The following FAM53A variants were observed in gnomAD, a reference collection of about 807,000 sequenced individuals.
The protein encoded by FAM53A is protein FAM53A.
Under a neutral mutation model 26.6 loss-of-function variants are expected in FAM53A, and 28 were observed. The observed-to-expected ratio is 1.05, with a 90% CI of 0.78 to 1.45. The LOEUF is 1.45. Among genes scored for constraint, FAM53A ranks in the 40% most tolerant of loss-of-function variants. The probability of loss-of-function intolerance (pLI) is 0.00; values close to 1 mark genes in which losing one functional copy is unlikely to be tolerated. For missense variants in FAM53A, 650 were observed against 575.8 expected (o/e 1.13, Z -1.32); for synonymous variants, 290 against 253.1 (o/e 1.15, Z -1.38).
At position 1,619,611 on chromosome 4, in the gene FAM53A, C is replaced by T. The variant is rs1714940603; in HGVS notation, c.432-1500G>A. Reference sequence around the variant, plus strand: ...AATCGGCTTCTCAGGTCTTCACCCCCCGGCCTCCCGTGACCACCCCCGCCC... The same window carrying T: ...AATCGGCTTCTCAGGTCTTCACCCCTCGGCCTCCCGTGACCACCCCCGCCC... On this transcript the variant is annotated intron_variant, in intron 1 of 1. Coordinates refer to the FAM53A transcript ENST00000489029. Among the ~76,000 whole-genome samples the T allele has an allele frequency of 2.0e-5, 3 of 152,234 alleles. No homozygotes were observed. The South Asian group carries it at 6.2e-4, about 32-fold the overall frequency.
At chr4:1,615,332 CTGA>C (rs1714770943), downstream of FAM53A, among the ~76,000 whole-genome samples, 1 of 141,224 alleles carries the variant, frequency 7.1e-6, no homozygotes, top group Non-Finnish European at 1.5e-5. Context: ...TGGGCGCACA[CTGA>C]AGACAGGATG....
intron 1 of FAM53A, among the ~76,000 whole-genome samples, chr4:1,679,617 C>T (rs1204049160): frequency 4.2e-5 from 6 of 143,156 alleles, no homozygotes; most frequent in Admixed American, 2.2e-4. Flanking sequence ...ACCCAGGAGG[C>T]GGAGGTTGCA....
the FAM53A span, among the ~76,000 whole-genome samples, chr4:1,609,326 CCTCA>C: frequency 6.6e-6 from 1 of 152,094 alleles, no homozygotes; most frequent in South Asian, 2.1e-4. Flanking sequence ...GGCTCCAGGG[CCTCA>C]CTGACTCTCA....
Position 1,654,977 on chromosome 4 carries a change from C to G in FAM53A, c.882+1G>C. The G allele has an allele frequency of 1.3e-6, 2 of 1,515,552 alleles. No homozygotes were observed. Among genetic ancestry groups the G allele is most frequent in the Non-Finnish European group, 8.9e-7 (1 of 1,129,686 alleles). 93.9% of individuals were successfully genotyped at this position (1,515,552 alleles called of 1,614,324 possible). A position where few individuals can be genotyped will look rare whatever the true frequency, so the allele number is the denominator to read the frequency against. ...AGCCCCTGGAAATAAGAAAGCCTCA[C>G]CTGGGTCATTTTCAGGAAGTCCAAG... On this transcript the variant is annotated splice_donor_variant, in intron 4 of 4. Transcript: ENST00000308132. LOFTEE classifies it high-confidence loss of function.
At chr4:1,603,468 A>G in the FAM53A span, among the ~76,000 whole-genome samples, 1 of 152,070 alleles carries the variant, frequency 6.6e-6, no homozygotes, top group Non-Finnish European at 1.5e-5. Context: ...CCTGCTGACC[A>G]AGGCTGGAAG....
chr4:1,595,046 A>T, the FAM53A span, among the ~76,000 whole-genome samples: 3 of 152,224 alleles, frequency 2.0e-5, no homozygotes, highest in African/African-American at 7.2e-5. Context: ...CAGCTTGCTC[A>T]TCGGGGACCA....
chr4:1,644,660 A>C, intron 4 of FAM53A: 1 of 288,518 alleles, frequency 3.5e-6, no homozygotes, highest in Non-Finnish European at 6.5e-6. Flanking sequence ...TAAACACAAA[A>C]CAGTTGTCCA....
At chr4:1,679,989 C>T (rs1376404315) in intron 1 of FAM53A, among the ~76,000 whole-genome samples, 11 of 147,586 alleles carry the variant, frequency 7.5e-5, no homozygotes, top group Non-Finnish European at 1.3e-4. Context: ...CACCATTGCG[C>T]TCCAGCCTGA....
At chr4:1,631,078 A>G (rs1360143932) in intron 1 of FAM53A, among the ~76,000 whole-genome samples, 4 of 152,244 alleles carry the variant, frequency 2.6e-5, no homozygotes, top group African/African-American at 9.6e-5. Context: ...AAATGTATTA[A>G]TACTAACAAT....
At chr4:1,646,963 G>A (rs1712302209) in intron 4 of FAM53A, among the ~76,000 whole-genome samples, 1 of 152,182 alleles carries the variant, frequency 6.6e-6, no homozygotes, top group South Asian at 2.1e-4. Flanking sequence ...AACCATAACT[G>A]ATGTGCATAT....
intron 2 of FAM53A, among the ~76,000 whole-genome samples, chr4:1,662,190 C>T (rs1052794936): frequency 1.3e-5 from 2 of 151,962 alleles, no homozygotes; most frequent in East Asian, 3.9e-4. Context: ...TAAAAAATAG[C>T]TGGGTGTGGG....
chr4:1,597,874 T>C, the FAM53A span, among the ~76,000 whole-genome samples: 1 of 152,240 alleles, frequency 6.6e-6, no homozygotes, highest in Non-Finnish European at 1.5e-5. Context: ...CGGGCGCCTG[T>C]AATCCCAGCT....
intron 1 of FAM53A, among the ~76,000 whole-genome samples, chr4:1,682,545 G>C (rs932191411): frequency 2.6e-5 from 4 of 152,160 alleles, no homozygotes; most frequent in African/African-American, 9.7e-5. Flanking sequence ...ACAGGTGTGA[G>C]CCACCGCGCC....
At chr4:1,672,558 T>C (rs373560458) in intron 1 of FAM53A, among the ~76,000 whole-genome samples, 12 of 152,084 alleles carry the variant, frequency 7.9e-5, no homozygotes, top group African/African-American at 2.4e-4. Context: ...GATGCATCCA[T>C]GATGCTGGAC....
chr4:1,608,251 A>C, the FAM53A span, among the ~76,000 whole-genome samples: 1 of 151,334 alleles, frequency 6.6e-6, no homozygotes, highest in Non-Finnish European at 1.5e-5. Flanking sequence ...TATGTGTTCC[A>C]CCTGCCGTGC....
intron 1 of FAM53A, among the ~76,000 whole-genome samples, chr4:1,677,273 C>A (rs1214217324): frequency 6.6e-6 from 1 of 152,240 alleles, no homozygotes; most frequent in African/African-American, 2.4e-5. Context: ...GAGACCACGT[C>A]CTTCCAGCCT....
the FAM53A span, among the ~76,000 whole-genome samples, chr4:1,598,702 G>A: frequency 1.3e-5 from 2 of 152,192 alleles, no homozygotes; most frequent in Non-Finnish European, 2.9e-5. Context: ...CTCTTACACT[G>A]AGACAGGACA....
chr4:1,620,277 C>T (rs1714972808), intron 1 of FAM53A, among the ~76,000 whole-genome samples: 1 of 151,412 alleles, frequency 6.6e-6, no homozygotes, highest in Non-Finnish European at 1.5e-5. Flanking sequence ...TTTCCCATAA[C>T]AGACCTTTCT....
intron 4 of FAM53A, among the ~76,000 whole-genome samples, chr4:1,649,578 G>A (rs952644132): frequency 1.3e-5 from 2 of 152,252 alleles, no homozygotes; most frequent in African/African-American, 4.8e-5. Context: ...CATGCCCACT[G>A]GGGTCACTCA....
Sources: gnomAD v4.1 joint callset for allele counts (sites outside exome capture counted in the v4.1 genomes callset) on GRCh38, gnomAD v4.1.1 for gene constraint, MANE v1.5 for transcripts, NCBI Gene and HGNC (gene_info 2026-07-23, HGNC 2026-07-21) for gene names.